Variants in NXPE2 observed in about 807,000 individuals in gnomAD.
NXPE2 encodes neurexophilin and PC-esterase domain family member 2, also known as NXPE family member 2.
NXPE2 carries 34 observed loss-of-function variants against 34.4 expected under a neutral mutation model. That is an observed-to-expected ratio of 0.99 (90% CI 0.75 to 1.31). The LOEUF (loss-of-function observed/expected upper bound fraction) is 1.31, where lower values mean the gene tolerates loss of function less well. NXPE2 is among the 40% of genes most tolerant of loss of function. NXPE2 has a pLI of 0.00. For missense variants in NXPE2, 649 were observed against 672.5 expected (o/e 0.97, Z 0.39); for synonymous variants, 235 against 231.3 (o/e 1.02, Z -0.15).
At chr11:114,513,375 G>A in the NXPE2 span, 13 of 397,674 alleles carry the variant, frequency 3.3e-5, no homozygotes, top group Non-Finnish European at 5.9e-5. Flanking sequence ...GAAACTTCTG[G>A]ACACAGTGGT....
At chr11:114,519,809 G>C in the NXPE2 span, among the ~76,000 whole-genome samples, 1 of 152,062 alleles carries the variant, frequency 6.6e-6, no homozygotes, top group Non-Finnish European at 1.5e-5. Flanking sequence ...TATACAGTGT[G>C]ATGTTTTGAT....
At chr11:114,805,401 C>T in the NXPE2 span, among the ~76,000 whole-genome samples, 5 of 152,206 alleles carry the variant, frequency 3.3e-5, no homozygotes, top group South Asian at 2.1e-4. Flanking sequence ...TCGCCTCACC[C>T]GGGAAGCACA....
At chr11:114,633,454 T>A in the NXPE2 span, among the ~76,000 whole-genome samples, 1 of 147,204 alleles carries the variant, frequency 6.8e-6, no homozygotes, top group African/African-American at 2.5e-5. Context: ...TGTATATTTT[T>A]TCTTTTTTTT....
chr11:114,618,955 C>T, the NXPE2 span, among the ~76,000 whole-genome samples: 1,480 of 152,118 alleles, frequency 9.7e-3, 30 homozygotes, highest in African/African-American at 0.033. Flanking sequence ...TAAGTAGTAC[C>T]GCATGGGTAA....
At chr11:114,635,543 A>C in the NXPE2 span, among the ~76,000 whole-genome samples, 1 of 152,008 alleles carries the variant, frequency 6.6e-6, no homozygotes, top group African/African-American at 2.4e-5. Flanking sequence ...GTCTTGTGCC[A>C]GTTTTCAAAG....
the NXPE2 span, among the ~76,000 whole-genome samples, chr11:114,487,510 G>A: frequency 6.6e-6 from 1 of 151,326 alleles, no homozygotes; most frequent in Non-Finnish European, 1.5e-5. Flanking sequence ...CCTTTTATTT[G>A]TTTCTCTTGT....
At chr11:114,584,332 G>T in the NXPE2 span, 1 of 479,540 alleles carries the variant, frequency 2.1e-6, no homozygotes, top group East Asian at 6.0e-5. Flanking sequence ...TGAGTACCTG[G>T]AGAAGATTAA....
the NXPE2 span, among the ~76,000 whole-genome samples, chr11:114,542,960 A>G: frequency 6.6e-6 from 1 of 152,204 alleles, no homozygotes; most frequent in Non-Finnish European, 1.5e-5. Context: ...TCACCAATTA[A>G]AGTATATTTT....
chr11:114,635,062 C>A, the NXPE2 span, among the ~76,000 whole-genome samples: 4 of 151,898 alleles, frequency 2.6e-5, no homozygotes, highest in African/African-American at 9.7e-5. Flanking sequence ...GGTAGTATGG[C>A]CATTTTCACG....
At chr11:114,690,693 C>G (rs772921671) in intron 2 of NXPE2, among the ~76,000 whole-genome samples, 3 of 152,126 alleles carry the variant, frequency 2.0e-5, no homozygotes, top group Non-Finnish European at 4.4e-5. Flanking sequence ...TTCCAAGTTG[C>G]TTACTCTCCC....
At chr11:114,480,091 C>A in the NXPE2 span, among the ~76,000 whole-genome samples, 1 of 152,054 alleles carries the variant, frequency 6.6e-6, no homozygotes. Context: ...CAAACATTTC[C>A]CACTAGGCCT....
intron 2 of NXPE2, among the ~76,000 whole-genome samples, chr11:114,686,361 A>G (rs536787358): frequency 6.6e-5 from 10 of 152,126 alleles, no homozygotes; most frequent in Admixed American, 1.3e-4. Context: ...AAGTGAGAAC[A>G]TGTGGTATTT....
At chr11:114,805,134 G>C in the NXPE2 span, among the ~76,000 whole-genome samples, 1 of 151,826 alleles carries the variant, frequency 6.6e-6, no homozygotes, top group Non-Finnish European at 1.5e-5. Context: ...GTGATTCCCA[G>C]GATCTCTCCC....
chr11:114,516,347 T>A, the NXPE2 span, among the ~76,000 whole-genome samples: 9 of 152,232 alleles, frequency 5.9e-5, no homozygotes, highest in East Asian at 1.9e-4. Context: ...AGTAGGAGTC[T>A]CAAGTTAAGA....
At chr11:114,661,570 A>G in the NXPE2 span, among the ~76,000 whole-genome samples, 1 of 152,222 alleles carries the variant, frequency 6.6e-6, no homozygotes, top group East Asian at 1.9e-4. Context: ...TGGGTTGCTA[A>G]GTACAAGCAT....
the NXPE2 span, among the ~76,000 whole-genome samples, chr11:114,812,577 G>A: frequency 1.3e-5 from 2 of 152,148 alleles, no homozygotes; most frequent in Non-Finnish European, 2.9e-5. Flanking sequence ...AATCATGCCA[G>A]CTTTTGAGCA....
At chr11:114,807,550 T>C in the NXPE2 span, among the ~76,000 whole-genome samples, 2 of 151,370 alleles carry the variant, frequency 1.3e-5, no homozygotes, top group African/African-American at 2.4e-5. Context: ...TCCTAGTCTC[T>C]GATAAAACAG....
At chr11:114,673,311 T>C in the NXPE2 span, among the ~76,000 whole-genome samples, 1 of 151,450 alleles carries the variant, frequency 6.6e-6, no homozygotes, top group Non-Finnish European at 1.5e-5. Flanking sequence ...CCAAAACTTA[T>C]GGGATAAAGA....
At chr11:114,596,767 T>C in the NXPE2 span, among the ~76,000 whole-genome samples, 1 of 152,336 alleles carries the variant, frequency 6.6e-6, no homozygotes, top group East Asian at 1.9e-4. Context: ...ACCACCCAAG[T>C]TCACAGTCTA....
Sources: allele counts gnomAD v4.1 joint callset (sites outside exome capture counted in the v4.1 genomes callset), GRCh38; gene constraint gnomAD v4.1.1; transcripts MANE v1.5; gene names NCBI Gene and HGNC (gene_info 2026-07-23, HGNC 2026-07-21).